GAN: variants seen among roughly 807,000 people sequenced by gnomAD.
The protein encoded by GAN is gigaxonin, also known as epididymis secretory sperm binding protein.
Under a neutral mutation model 71.3 loss-of-function variants are expected in GAN, and 48 were observed. The observed-to-expected ratio is 0.67, with a 90% CI of 0.53 to 0.86. The LOEUF is 0.86. Ranked by LOEUF, GAN falls within the 40% of genes least tolerant of loss-of-function variation. The pLI is 0.00. For synonymous variants in GAN, 386 were observed against 276.8 expected, an observed-to-expected ratio of 1.39 and a Z score of -3.92; for missense variants, 928 against 770.1, an observed-to-expected ratio of 1.21 and a Z score of -2.43.
In GAN at chr16:81,384,028, T is replaced by C. The variant is rs1018877977; in HGVS notation, c.*6432T>C. On this transcript the variant is annotated 3_prime_UTR_variant, in exon 11 of 11. Coordinates refer to ENST00000648994, the MANE Select transcript of GAN (RefSeq NM_022041.4). The stretch of plus-strand genomic sequence containing the variant: ...ACTTGGGTTAAATTTTTTCAAGTTA[T>C]ACCAGTCAACTTGGTTTAAATACAA... The C allele has an allele frequency of 6.6e-6, 1 of 152,220 alleles. No homozygotes were observed. The highest frequency in any genetic ancestry group is 2.4e-5 in the African/African-American group (1 of 41,468). The allele number at this position is 152,220 out of a possible 1,614,324, so 9.4% of individuals were successfully genotyped here. A position where few individuals can be genotyped will look rare whatever the true frequency, so the allele number is the denominator to read the frequency against.
At chr16:81,331,182 G>A (rs533458300) in intron 1 of GAN, among the ~76,000 whole-genome samples, 1 of 152,278 alleles carries the variant, frequency 6.6e-6, no homozygotes, top group African/African-American at 2.4e-5. Context: ...TCTACCCTGG[G>A]CAACAGAGAC....
rs1268798179 is a variant in GAN at position 81,384,891 on chromosome 16, T to C, written c.*7295T>C. The C allele has an allele frequency of 1.3e-5, 2 of 153,950 alleles. No homozygotes were observed. The highest frequency in any genetic ancestry group is 1.9e-4 in the East Asian group (1 of 5,190). The allele number at this position is 153,950 out of a possible 1,614,324, so 9.5% of individuals were successfully genotyped here. On this transcript the variant is annotated 3_prime_UTR_variant, in exon 11 of 11. Transcript: ENST00000648994. The stretch of plus-strand genomic sequence containing the variant: ...AGAAGATGAGGAGGCTCACCAGTTG[T>C]AGGCAAGACTCTTCCTCTCGGGAGA...
chr16:81,346,473 T>C (rs959268466), intron 1 of GAN, among the ~76,000 whole-genome samples: 3 of 152,302 alleles, frequency 2.0e-5, no homozygotes, highest in East Asian at 1.9e-4. Context: ...CTCCGCCTCC[T>C]GTCAGATCAG....
chr16:81,321,184 G>A (rs536102925), intron 1 of GAN, among the ~76,000 whole-genome samples: 48 of 152,266 alleles, frequency 3.2e-4, no homozygotes, highest in African/African-American at 1.2e-3. Context: ...TTTTTGGAAG[G>A]TTTCAAATGA....
chr16:81,359,671 T>TC (rs1211259354), intron 5 of GAN, among the ~76,000 whole-genome samples: 1 of 152,100 alleles, frequency 6.6e-6, no homozygotes, highest in Non-Finnish European at 1.5e-5. Context: ...GTACAGTAGA[T>TC]CCCCCTTATC....
At chr16:81,327,927 G>A (rs1367157320) in intron 1 of GAN, among the ~76,000 whole-genome samples, 2 of 152,228 alleles carry the variant, frequency 1.3e-5, no homozygotes, top group African/African-American at 4.8e-5. Flanking sequence ...ACAGGTTGTG[G>A]CACGAATGCC....
At chr16:81,373,610 A>T (rs1260838316) in intron 9 of GAN, among the ~76,000 whole-genome samples, 1 of 152,144 alleles carries the variant, frequency 6.6e-6, no homozygotes, top group Non-Finnish European at 1.5e-5. Flanking sequence ...CAAAATTATT[A>T]AGTAAACTAC....
intron 1 of GAN, among the ~76,000 whole-genome samples, chr16:81,318,169 A>G (rs1909107949): frequency 6.6e-6 from 1 of 152,322 alleles, no homozygotes; most frequent in Admixed American, 6.5e-5. Flanking sequence ...AAATATATTT[A>G]TGTATTCTAG....
At chr16:81,375,469 G>T (rs1904277308) in intron 9 of GAN, among the ~76,000 whole-genome samples, 1 of 151,492 alleles carries the variant, frequency 6.6e-6, no homozygotes, top group African/African-American at 2.4e-5. Flanking sequence ...GAGTAGCTGG[G>T]ACAGATGCCA....
At chr16:81,358,798 G>C (rs535977726) in intron 5 of GAN, among the ~76,000 whole-genome samples, 8 of 152,246 alleles carry the variant, frequency 5.3e-5, no homozygotes, top group African/African-American at 1.9e-4. Flanking sequence ...CATTGCCTTT[G>C]CTGGCTGCCT....
intron 1 of GAN, among the ~76,000 whole-genome samples, chr16:81,326,954 T>G (rs1419378631): frequency 6.6e-6 from 1 of 152,192 alleles, no homozygotes; most frequent in African/African-American, 2.4e-5. Context: ...ATATACTACA[T>G]CCAAGTAAGG....
intron 4 of GAN, among the ~76,000 whole-genome samples, 187 bp downstream of exon 4, chr16:81,357,189 C>A (rs1246265233): frequency 6.6e-6 from 1 of 151,958 alleles, no homozygotes; most frequent in East Asian, 1.9e-4. Flanking sequence ...ATGTGCCATG[C>A]TGGTGTGCTG....
chr16:81,353,244 A>G (rs1910361170), intron 2 of GAN, among the ~76,000 whole-genome samples: 1 of 142,680 alleles, frequency 7.0e-6, no homozygotes, highest in African/African-American at 2.7e-5. Context: ...GTGAGCCGAG[A>G]TTGCGCCACT....
intron 8 of GAN, 114 bp downstream of exon 8, chr16:81,365,224 G>C: frequency 6.4e-7 from 1 of 1,561,088 alleles, no homozygotes; most frequent in South Asian, 1.1e-5. Context: ...TCTTTGACTT[G>C]GCATTTCCTG....
intron 7 of GAN, among the ~76,000 whole-genome samples, chr16:81,364,230 C>G (rs1174098873): frequency 6.6e-6 from 1 of 152,114 alleles, no homozygotes; most frequent in Non-Finnish European, 1.5e-5. Flanking sequence ...ATCTTCCCAA[C>G]CTATTTTCTT....
intron 9 of GAN, among the ~76,000 whole-genome samples, chr16:81,367,148 G>T (rs1379689746): frequency 6.6e-6 from 1 of 152,148 alleles, no homozygotes; most frequent in Non-Finnish European, 1.5e-5. Context: ...TATTTGTACT[G>T]GATAAGCTTT....
intron 1 of GAN, among the ~76,000 whole-genome samples, chr16:81,345,385 G>A (rs1910084952): frequency 6.6e-6 from 1 of 152,106 alleles, no homozygotes; most frequent in African/African-American, 2.4e-5. Flanking sequence ...AGAAAATGTG[G>A]CACATACACA....
chr16:81,381,644 T>TA lies in GAN; in HGVS notation c.*4049dup, dbSNP rs541332809. On this transcript the variant is annotated 3_prime_UTR_variant, in exon 11 of 11. Coordinates refer to ENST00000648994, the MANE Select transcript of GAN (RefSeq NM_022041.4). Reference sequence around the variant, plus strand: ...TGAGGCAGAGGTCACACCACTCTCCTACTCAAGGTCATAAACCCACTATGG... The same window carrying TA: ...TGAGGCAGAGGTCACACCACTCTCCTAACTCAAGGTCATAAACCCACTATGG... 173 of 152,382 alleles carry TA rather than the reference T, an allele frequency of 1.1e-3. No homozygotes were observed. The highest frequency in any genetic ancestry group is 4.1e-3 in the African/African-American group (170 of 41,590). The allele number at this position is 152,382 out of a possible 1,614,324, so 9.4% of individuals were successfully genotyped here.
At position 81,385,527 on chromosome 16, in the gene GAN, G is replaced by C. The variant is rs1904374252; in HGVS notation, c.*7931G>C. On this transcript the variant is annotated 3_prime_UTR_variant, in exon 11 of 11. Coordinates refer to ENST00000648994, the MANE Select transcript of GAN (RefSeq NM_022041.4). ...AATAGCAGGAGGACTCACCTCTGCG[G>C]GTTGTTGTGAGGATTAACTGGGTGA... The C allele has an allele frequency of 6.6e-6, 1 of 152,114 alleles. No homozygotes were observed. The highest frequency in any genetic ancestry group is 1.5e-5 in the Non-Finnish European group (1 of 68,060). The allele number at this position is 152,114 out of a possible 1,614,324, so 9.4% of individuals were successfully genotyped here.
Sources: allele counts gnomAD v4.1 joint callset (sites outside exome capture counted in the v4.1 genomes callset), GRCh38; gene constraint gnomAD v4.1.1; transcripts MANE v1.5; gene names NCBI Gene and HGNC (gene_info 2026-07-23, HGNC 2026-07-21).